Variants in SLC24A4 observed in about 807,000 individuals in gnomAD.
SLC24A4 encodes solute carrier family 24 member 4, also known as sodium/potassium/calcium exchanger 4.
In SLC24A4, 53 loss-of-function variants were observed where a neutral mutation model predicts 79.0. That is an observed-to-expected ratio of 0.67 (90% CI 0.54 to 0.84). The LOEUF (loss-of-function observed/expected upper bound fraction) is 0.84. Among genes scored for constraint, SLC24A4 ranks in the 40% least tolerant of loss-of-function variants. The pLI, the probability that SLC24A4 is intolerant of heterozygous loss-of-function variation, is 0.00. For synonymous variants in SLC24A4, 323 were observed against 323.8 expected, an observed-to-expected ratio of 1.00 and a Z score of 0.03; for missense variants, 731 against 822.0, an observed-to-expected ratio of 0.89 and a Z score of 1.35.
chr14:92,486,822 C>T, intron 14 of SLC24A4, 42 bp downstream of exon 14: 3 of 1,420,914 alleles, frequency 2.1e-6, no homozygotes, highest in Non-Finnish European at 3.0e-6. Flanking sequence ...GCAGTGCAGG[C>T]CACTGTGTCC....
Position 92,439,376 on chromosome 14 carries a change from C to G in SLC24A4, c.360C>G (p.Asp120Glu), listed in dbSNP as rs1297401448. 1.9e-6 allele frequency: 3 copies of G among 1,613,024 alleles called. No individual in the cohort carries two copies. The highest frequency in any genetic ancestry group is 1.1e-5 in the South Asian group (1 of 91,080). The part of the protein sequence containing the change: ...MFYALAIVCD[D>E]FFVPSLEKIC... ...ATGCCTTGGCCATAGTGTGCGATGA[C>G]TTCTTTGTTCCGTCTCTAGAGAAGA... The change falls in exon 4 of 17, where the codon GAC becomes GAG. Residue 120 changes from aspartate to glutamate, a missense_variant. By Grantham distance (45) the Asp-to-Glu change is conservative. Coordinates refer to ENST00000532405, the MANE Select transcript of SLC24A4 (RefSeq NM_153646.4).
Position 92,442,186 on chromosome 14 carries a change from C to T in SLC24A4, c.478+13C>T. ...GCGTCTGTTATTGGTAAGAAATCCC[C>T]TCCAGCCTGAGACACAGGATCTAGA... On this transcript the variant is annotated intron_variant, in intron 5 of 16. Coordinates refer to ENST00000532405, the MANE Select transcript of SLC24A4 (RefSeq NM_153646.4). The T allele has an allele frequency of 6.2e-7, 1 of 1,610,290 alleles. No homozygotes were observed. Among genetic ancestry groups the T allele is most frequent in the South Asian group, 1.1e-5 (1 of 90,906 alleles).
chr14:92,335,947 G>T (rs921006865), intron 2 of SLC24A4, among the ~76,000 whole-genome samples: 4 of 152,166 alleles, frequency 2.6e-5, no homozygotes, highest in Non-Finnish European at 4.4e-5. Context: ...ACACCTATGT[G>T]GGCCGTGCTT....
At chr14:92,350,197 T>C (rs1886792927) in intron 2 of SLC24A4, among the ~76,000 whole-genome samples, 1 of 152,174 alleles carries the variant, frequency 6.6e-6, no homozygotes, top group Admixed American at 6.5e-5. Context: ...GCGGTTAAGT[T>C]CTTTTTTTGG....
At position 92,482,750 on chromosome 14, in the gene SLC24A4, C is replaced by T. The variant is rs1269174446; in HGVS notation, c.1326C>T (p.Pro442=). Residue 442 remains proline (P), a synonymous_variant, in exon 13 of 17, where the codon CCC becomes CCT. Coordinates refer to ENST00000532405, the MANE Select transcript of SLC24A4 (RefSeq NM_153646.4). ...TCTTCCTCCTGTGCGTCACCATTCCCAACTGCAGCAAGCCCCGCTGGGAGA... is the reference window on the plus strand; with the variant it reads ...TCTTCCTCCTGTGCGTCACCATTCCTAACTGCAGCAAGCCCCGCTGGGAGA... ...PLIFLLCVTI[P]NCSKPRWEKF... 1 of 1,614,130 alleles carries T rather than the reference C, an allele frequency of 6.2e-7. No individual in the cohort carries two copies. Among genetic ancestry groups the T allele is most frequent in the South Asian group, 1.1e-5 (1 of 91,080 alleles).
chr14:92,358,643 T>A (rs2141659939), intron 2 of SLC24A4, among the ~76,000 whole-genome samples: 1 of 151,774 alleles, frequency 6.6e-6, no homozygotes, highest in South Asian at 2.1e-4. Flanking sequence ...CATCTTCTTT[T>A]CTTCACCACC....
intron 2 of SLC24A4, among the ~76,000 whole-genome samples, chr14:92,355,249 G>A (rs1412313206): frequency 6.6e-6 from 1 of 152,180 alleles, no homozygotes; most frequent in African/African-American, 2.4e-5. Flanking sequence ...GTGACAAGGT[G>A]GGCCTGTAGA....
At chr14:92,344,224 G>A (rs1023281633) in intron 2 of SLC24A4, among the ~76,000 whole-genome samples, 6 of 152,194 alleles carry the variant, frequency 3.9e-5, no homozygotes, top group Admixed American at 1.3e-4. Flanking sequence ...AGCTCTTGCC[G>A]TTTTCCTTTT....
intron 12 of SLC24A4, 40 bp from the exon 13 acceptor site, chr14:92,482,632 GTGTCTTTC>G: frequency 6.5e-7 from 1 of 1,536,812 alleles, no homozygotes; most frequent in Admixed American, 1.9e-5. Flanking sequence ...GTGTTACCCA[GTGTCTTTC>G]TCTCCCCCTC....
intron 12 of SLC24A4, 124 bp downstream of exon 12, chr14:92,456,732 A>G: frequency 1.0e-6 from 1 of 961,578 alleles, no homozygotes; most frequent in Non-Finnish European, 1.6e-6. Flanking sequence ...CAAAGGGTCG[A>G]TATTAGGTCA....
At chr14:92,343,662 T>TTCCTTCCC (rs1377918943) in intron 2 of SLC24A4, among the ~76,000 whole-genome samples, 3 of 120,668 alleles carry the variant, frequency 2.5e-5, no homozygotes, top group African/African-American at 1.1e-4. Context: ...CTTTCCTTCC[T>TTCCTTCCC]TCCTTCCTTC....
chr14:92,322,652 C>T (rs774810868), upstream of SLC24A4: 3 of 152,826 alleles, frequency 2.0e-5, no homozygotes, highest in Non-Finnish European at 4.4e-5. Flanking sequence ...GTCGCGGCCT[C>T]GCAGATCCCC....
intron 12 of SLC24A4, among the ~76,000 whole-genome samples, chr14:92,461,361 T>TA (rs774776485): frequency 4.0e-4 from 61 of 152,354 alleles, no homozygotes; most frequent in Non-Finnish European, 7.6e-4. Context: ...CTGTAATTCT[T>TA]ATATTAGTCA....
Position 92,365,652 on chromosome 14 carries a change from A to G in SLC24A4, c.241+39674A>G, listed in dbSNP as rs540679125. On this transcript the variant is annotated intron_variant, in intron 2 of 16. Transcript: ENST00000532405. Reference sequence around the variant, plus strand: ...GCCAGGCTTTTCCCCAGGGCCTGCGAGTCACTTGGGGTGTGTGTGCTGGGA... The same window carrying G: ...GCCAGGCTTTTCCCCAGGGCCTGCGGGTCACTTGGGGTGTGTGTGCTGGGA... 3.3e-5 allele frequency among the ~76,000 whole-genome samples: 5 copies of G among 152,226 alleles called. No homozygotes were observed. The South Asian group carries it at 1.0e-3, about 32-fold the overall frequency.
intron 13 of SLC24A4, chr14:92,484,064 G>T (rs1566803188): frequency 4.1e-6 from 4 of 985,170 alleles, no homozygotes; most frequent in Non-Finnish European, 4.8e-6. Flanking sequence ...ATGAAGTGGG[G>T]GTGATCATCA....
intron 2 of SLC24A4, among the ~76,000 whole-genome samples, chr14:92,365,352 G>A (rs2141674992): frequency 6.6e-6 from 1 of 152,370 alleles, no homozygotes; most frequent in African/African-American, 2.4e-5. Flanking sequence ...GCCTTGCCAT[G>A]GTCCTGGTCC....
At position 92,339,107 on chromosome 14, in the gene SLC24A4, T is replaced by G. The variant is rs113460351; in HGVS notation, c.241+13129T>G. 3.4e-4 allele frequency among the ~76,000 whole-genome samples: 52 copies of G among 152,258 alleles called. 2 individuals carry two copies. Among genetic ancestry groups the G allele is most frequent in the African/African-American group, 9.1e-4 (38 of 41,540 alleles). ...AAGTGTTAGAGCTCAAAGATCGAGGTGCTGGATGCATGTTGATGGAGCAAC... is the reference window on the plus strand; with the variant it reads ...AAGTGTTAGAGCTCAAAGATCGAGGGGCTGGATGCATGTTGATGGAGCAAC... On this transcript the variant is annotated intron_variant, in intron 2 of 16. Coordinates refer to ENST00000532405, the MANE Select transcript of SLC24A4 (RefSeq NM_153646.4).
At position 92,323,812 on chromosome 14, in the gene SLC24A4, G is replaced by T. The variant is rs752087582; in HGVS notation, c.-19G>T. On this transcript the variant is annotated 5_prime_UTR_variant, in exon 1 of 17. Transcript: ENST00000532405. The surrounding 1 kb of genome is among the most constrained non-coding windows in gnomAD (Gnocchi z 4.9). ...AAGCTCCCCATCCTCTCCCAGAGAC[G>T]GCACCCAGGCGCTCCGGGATGGCGC... 15 of 1,552,304 alleles carry T rather than the reference G, an allele frequency of 9.7e-6. No individual in the cohort carries two copies. Among genetic ancestry groups the T allele is most frequent in the Non-Finnish European group, 1.0e-5 (12 of 1,155,982 alleles).
rs1892542036 is a variant in SLC24A4 at position 92,442,218 on chromosome 14, A to G, written c.478+45A>G. The G allele has an allele frequency of 3.9e-6, 6 of 1,528,084 alleles. No homozygotes were observed. The South Asian group carries it at 4.5e-5, about 11-fold the overall frequency. The allele number at this position is 1,528,084 out of a possible 1,614,324, so 94.7% of individuals were successfully genotyped here. ...CTGAGACACAGGATCTAGAGAGTCC[A>G]TTTGGTGCCCAGAGCAGTGGGGGCA... On this transcript the variant is annotated intron_variant, in intron 5 of 16. Transcript: ENST00000532405.
Sources: gnomAD v4.1 joint callset for allele counts (sites outside exome capture counted in the v4.1 genomes callset) on GRCh38, gnomAD v4.1.1 for gene constraint, Gnocchi (gnomAD v3.1) non-coding constraint, MANE v1.5 for transcripts, NCBI Gene and HGNC (gene_info 2026-07-23, HGNC 2026-07-21) for gene names.